Variants in ERCC6L2 observed in about 807,000 individuals in gnomAD.
ERCC6L2 encodes the protein DNA excision repair protein ERCC-6-like 2.
ERCC6L2 carries 77 observed loss-of-function variants against 132.0 expected under a neutral mutation model. The ratio of observed to expected loss-of-function variants is 0.58; its 90% CI spans 0.49 to 0.71. The LOEUF is 0.71. ERCC6L2 is among the 30% of genes least tolerant of loss of function. The pLI is 0.00. For missense variants in ERCC6L2, 1,542 were observed against 1,837.6 expected (o/e 0.84, Z 2.94); for synonymous variants, 583 against 632.4 (o/e 0.92, Z 1.17).
chr9:95,967,659 C>T (rs1832220368), intron 14 of ERCC6L2: 1 of 152,088 alleles, frequency 6.6e-6, no homozygotes, highest in South Asian at 2.1e-4. Flanking sequence ...AATGTTGTTA[C>T]TATTATACAG....
intron 1 of ERCC6L2, among the ~76,000 whole-genome samples, chr9:95,880,636 C>T (rs929851701): frequency 1.3e-5 from 2 of 152,114 alleles, no homozygotes; most frequent in African/African-American, 2.4e-5. Context: ...TGATGACACA[C>T]AGTTAGGGTA....
chr9:96,036,763 A>ATTTTT (rs201535314), intron 19 of ERCC6L2, among the ~76,000 whole-genome samples: 2 of 137,658 alleles, frequency 1.5e-5, no homozygotes, highest in African/African-American at 5.5e-5. Flanking sequence ...TATTATTATT[A>ATTTTT]TTTTTATTTA....
chr9:95,884,444 C>T (rs1200342658), intron 2 of ERCC6L2, among the ~76,000 whole-genome samples: 3 of 151,596 alleles, frequency 2.0e-5, no homozygotes, highest in Admixed American at 6.6e-5. Flanking sequence ...TGAAAATAGA[C>T]CATTGACATT....
chr9:95,917,963 A>G lies in ERCC6L2; in HGVS notation c.1158+1529A>G, dbSNP rs185077776. ...TCAATCATTGACCACCAACTTCTAT[A>G]TTCTCTTTTTTTCTTATATGTACTT... is the stretch of plus-strand genomic sequence containing the variant. On this transcript the variant is annotated intron_variant, in intron 6 of 18. Coordinates refer to ENST00000653738, the MANE Select transcript of ERCC6L2 (RefSeq NM_020207.7). 1.4e-4 allele frequency among the ~76,000 whole-genome samples: 22 copies of G among 152,296 alleles called. No homozygotes were observed. The East Asian group carries it at 2.3e-3, about 16-fold the overall frequency.
chr9:95,904,976 C>G (rs537591624), intron 3 of ERCC6L2: 1 of 152,050 alleles, frequency 6.6e-6, no homozygotes. Flanking sequence ...ATTTTAGCTT[C>G]AGAATAAGAA....
At chr9:95,938,832 T>A (rs1211908865) in intron 11 of ERCC6L2, among the ~76,000 whole-genome samples, 3 of 152,150 alleles carry the variant, frequency 2.0e-5, no homozygotes, top group African/African-American at 7.2e-5. Flanking sequence ...ATTATTGATA[T>A]TTTTTATTTA....
intron 11 of ERCC6L2, among the ~76,000 whole-genome samples, chr9:95,939,047 A>G (rs563564633): frequency 6.6e-6 from 1 of 152,216 alleles, no homozygotes; most frequent in African/African-American, 2.4e-5. Context: ...AATGAAGTAT[A>G]GAAATTTTAC....
downstream of ERCC6L2, among the ~76,000 whole-genome samples, chr9:96,019,069 G>A (rs545552819): frequency 2.0e-5 from 3 of 152,254 alleles, no homozygotes; most frequent in Non-Finnish European, 4.4e-5. Flanking sequence ...TTTCTAATAC[G>A]TCTCTAAGGA....
intron 19 of ERCC6L2, among the ~76,000 whole-genome samples, chr9:96,025,278 G>A (rs1215209596): frequency 2.0e-5 from 3 of 152,198 alleles, no homozygotes; most frequent in Non-Finnish European, 1.5e-5. Context: ...ACTCTGGTGG[G>A]CTTCATTCTC....
In ERCC6L2 at chr9:95,875,798, GT is replaced by G. The variant is rs1369292405; in HGVS notation, c.-240del. The G allele has an allele frequency of 1.8e-6, 1 of 569,902 alleles. No individual in the cohort carries two copies. The highest frequency in any genetic ancestry group is 3.2e-6 in the Non-Finnish European group (1 of 316,644). The allele number at this position is 569,902 out of a possible 1,614,324, so 35.3% of individuals were successfully genotyped here. ...CACCGCTTTGCCAGCCTCACACAGCGTCCCCTGGCTCTGCCGCCGCTCCGGA... is the reference window on the plus strand; with the variant it reads ...CACCGCTTTGCCAGCCTCACACAGCGCCCCTGGCTCTGCCGCCGCTCCGGA... On this transcript the variant is annotated 5_prime_UTR_variant, in exon 1 of 19. Transcript: ENST00000653738.
At chr9:95,932,994 C>CAG (rs925728171) in intron 11 of ERCC6L2, among the ~76,000 whole-genome samples, 21 of 151,600 alleles carry the variant, frequency 1.4e-4, no homozygotes, top group East Asian at 5.8e-4. Context: ...ATCTCATCTG[C>CAG]AGAGAGAGAG....
In ERCC6L2 at chr9:96,029,314, A is replaced by C. The variant is rs916921378; in HGVS notation, c.*1504-9562A>C. 4.9e-4 allele frequency among the ~76,000 whole-genome samples: 74 copies of C among 150,210 alleles called. 1 individual carries two copies. Among genetic ancestry groups the C allele is most frequent in the East Asian group, 4.6e-3 (23 of 5,052 alleles). ...GCAAGACTCCGTCTCAAAAAAAAAA[A>C]AAAAAAAAACAAAAAAAAAATTAGG... On this transcript the variant is annotated intron_variant and NMD_transcript_variant, in intron 19 of 20. Transcript: ENST00000670016.
At chr9:95,943,556 G>C (rs1462156691) in intron 12 of ERCC6L2, among the ~76,000 whole-genome samples, 1 of 152,008 alleles carries the variant, frequency 6.6e-6, no homozygotes, top group Non-Finnish European at 1.5e-5. Flanking sequence ...ACTATCAACA[G>C]AGAAAAAAGG....
At chr9:96,038,343 C>T (rs2133274647) in intron 19 of ERCC6L2, among the ~76,000 whole-genome samples, 1 of 152,214 alleles carries the variant, frequency 6.6e-6, no homozygotes, top group South Asian at 2.1e-4. Flanking sequence ...AGCCCCTCTT[C>T]CCCCGAAGTA....
intron 18 of ERCC6L2, among the ~76,000 whole-genome samples, chr9:96,006,158 A>G (rs983017794): frequency 4.6e-5 from 7 of 152,196 alleles, no homozygotes; most frequent in Non-Finnish European, 7.3e-5. Flanking sequence ...GAGTTTATAA[A>G]TGGTCTTCAG....
intron 17 of ERCC6L2, among the ~76,000 whole-genome samples, chr9:95,993,195 G>T (rs1006910697): frequency 6.6e-6 from 1 of 152,158 alleles, no homozygotes; most frequent in Non-Finnish European, 1.5e-5. Context: ...CCTCAGAAAG[G>T]TACAGAATCT....
intron 2 of ERCC6L2, 34 bp from the exon 3 acceptor site, chr9:95,897,815 A>G: frequency 6.2e-7 from 1 of 1,610,290 alleles, no homozygotes; most frequent in Admixed American, 1.7e-5. Flanking sequence ...ATGATACATT[A>G]TACACAGTGA....
At chr9:95,899,913 TG>T (rs1010700521) in intron 3 of ERCC6L2, among the ~76,000 whole-genome samples, 2 of 152,238 alleles carry the variant, frequency 1.3e-5, no homozygotes, top group African/African-American at 4.8e-5. Flanking sequence ...TTAGTGCAGA[TG>T]GAATTTTTTA....
At chr9:95,914,937 TGTGTG>T (rs1277595887) in intron 4 of ERCC6L2, among the ~76,000 whole-genome samples, 5 of 152,198 alleles carry the variant, frequency 3.3e-5, no homozygotes, top group African/African-American at 9.7e-5. Flanking sequence ...TTAATTTTCA[TGTGTG>T]GTGTGAAGTA....
Sources: gnomAD v4.1 joint callset for allele counts (sites outside exome capture counted in the v4.1 genomes callset) on GRCh38, gnomAD v4.1.1 for gene constraint, MANE v1.5 for transcripts, NCBI Gene and HGNC (gene_info 2026-07-23, HGNC 2026-07-21) for gene names.